ASH1L: variants seen among roughly 807,000 people sequenced by gnomAD.
ASH1L encodes histone-lysine N-methyltransferase ASH1L.
In ASH1L, 23 loss-of-function variants were observed where a neutral mutation model predicts 269.0. The observed-to-expected ratio is 0.09, with a 90% confidence interval of 0.06 to 0.12. The LOEUF (loss-of-function observed/expected upper bound fraction) is 0.12. ASH1L is among the 10% of genes least tolerant of loss of function. The pLI is 1.00. For missense variants in ASH1L, 2,912 were observed against 3,567.8 expected, an observed-to-expected ratio of 0.82 and a Z score of 4.68; for synonymous variants, 1,187 against 1,253.5, an observed-to-expected ratio of 0.95 and a Z score of 1.12.
intron 5 of ASH1L, among the ~76,000 whole-genome samples, chr1:155,436,258 C>T (rs553306344): frequency 2.6e-5 from 4 of 151,968 alleles, no homozygotes; most frequent in African/African-American, 7.2e-5. Flanking sequence ...GGTGCAATCT[C>T]GGCTCACTGC....
chr1:155,512,291 C>T (rs1347962172), intron 2 of ASH1L, among the ~76,000 whole-genome samples: 1 of 151,700 alleles, frequency 6.6e-6, no homozygotes, highest in East Asian at 2.0e-4. Flanking sequence ...GTGGCATGCA[C>T]CTGTAATCCC....
At chr1:155,460,114 C>G (rs977947956) in intron 3 of ASH1L, among the ~76,000 whole-genome samples, 6 of 152,078 alleles carry the variant, frequency 3.9e-5, no homozygotes, top group African/African-American at 1.4e-4. Flanking sequence ...TACATAAGTT[C>G]TCCTGTTACA....
At chr1:155,433,679 G>T (rs1389883720) in intron 5 of ASH1L, 1 of 1,600,944 alleles carries the variant, frequency 6.2e-7, no homozygotes, top group East Asian at 2.2e-5. Flanking sequence ...ACAGGCCGAT[G>T]TGGGGCTCAC....
chr1:155,433,148 C>A, intron 5 of ASH1L: 5 of 1,475,980 alleles, frequency 3.4e-6, no homozygotes, highest in Non-Finnish European at 4.5e-6. Context: ...GACATTTCAC[C>A]AGGCCCCCAG....
rs549361100 is a variant in ASH1L, at chr1:155,368,120, A to G, written c.6686+2384T>C. On this transcript the variant is annotated intron_variant, in intron 12 of 27. Coordinates refer to ENST00000392403, the MANE Select transcript of ASH1L (RefSeq NM_018489.3). ...TGGGCTCAGGCGATCCTACCACCTC[A>G]GTCTCCCAAGTAGCACCATCACACC... Among the ~76,000 whole-genome samples, 17 of 152,164 alleles carry G rather than the reference A, an allele frequency of 1.1e-4. No homozygotes were observed. In the East Asian group the frequency reaches 3.3e-3, roughly 29 times the overall value.
intron 15 of ASH1L, among the ~76,000 whole-genome samples, chr1:155,355,470 T>C (rs965331384): frequency 6.6e-6 from 1 of 152,230 alleles, no homozygotes; most frequent in Non-Finnish European, 1.5e-5. Context: ...TGATCTTGGA[T>C]AAATCTCAAG....
In ASH1L at chr1:155,342,107, G is replaced by A. The variant is rs187868932; in HGVS notation, c.8294-5C>T. On this transcript the variant is annotated splice_region_variant and splice_polypyrimidine_tract_variant and intron_variant, in intron 24 of 27. Coordinates refer to ENST00000392403, the MANE Select transcript of ASH1L (RefSeq NM_018489.3). ...CCTTTACTCCTTTGGGTCTCCCTAT[G>A]GGTCCAACCAGTGTTAAGGAATCCT... The A allele has an allele frequency of 9.9e-6, 16 of 1,613,750 alleles. No individual in the cohort carries two copies. In the Admixed American group the frequency reaches 2.2e-4, roughly 22 times the overall value.
intron 7 of ASH1L, among the ~76,000 whole-genome samples, chr1:155,389,168 G>T (rs1657696614): frequency 6.6e-6 from 1 of 151,328 alleles, no homozygotes; most frequent in Admixed American, 6.6e-5. Flanking sequence ...ATCACTCCTG[G>T]CTAATTTTTT....
intron 2 of ASH1L, among the ~76,000 whole-genome samples, chr1:155,508,005 T>C (rs1038010232): frequency 1.3e-5 from 2 of 150,724 alleles, no homozygotes; most frequent in Non-Finnish European, 3.0e-5. Flanking sequence ...TACTTGACTT[T>C]TTTTTTTTTT....
intron 1 of ASH1L, among the ~76,000 whole-genome samples, chr1:155,541,661 C>T (rs944790639): frequency 6.6e-5 from 10 of 152,040 alleles, no homozygotes; most frequent in Non-Finnish European, 1.5e-4. Context: ...TACTGATATC[C>T]AATAAATCTA....
rs1665895953 is a variant in ASH1L at position 155,480,779 on chromosome 1, A to G, written c.2091T>C (p.Ala697=). ...ACTGCAAACTAGTACTTAGGCTTTC[A>G]GCAACTTGGCAGTGTTTGTCTGATG... ...VSASDKHCQV[A]ESLSTSLQSK... Residue 697 remains alanine (A), a synonymous_variant, in exon 3 of 28, where the codon GCT becomes GCC. Coordinates refer to ENST00000392403, the MANE Select transcript of ASH1L (RefSeq NM_018489.3). The G allele has an allele frequency of 4.3e-6, 7 of 1,613,890 alleles. No individual in the cohort carries two copies. Among genetic ancestry groups the G allele is most frequent in the Non-Finnish European group, 5.9e-6 (7 of 1,179,962 alleles).
At chr1:155,503,065 A>G (rs898314170) in intron 2 of ASH1L, among the ~76,000 whole-genome samples, 7 of 152,162 alleles carry the variant, frequency 4.6e-5, no homozygotes, top group African/African-American at 1.7e-4. Flanking sequence ...AATCTTTTGG[A>G]GCCCCCAGCC....
chr1:155,555,623 G>A (rs1056586453), intron 1 of ASH1L, among the ~76,000 whole-genome samples: 2 of 151,822 alleles, frequency 1.3e-5, no homozygotes, highest in African/African-American at 2.4e-5. Flanking sequence ...TCTCTCTTGT[G>A]CATTTGAAAA....
intron 7 of ASH1L, among the ~76,000 whole-genome samples, chr1:155,380,602 T>C (rs935669835): frequency 4.6e-5 from 7 of 152,016 alleles, no homozygotes; most frequent in Non-Finnish European, 1.0e-4. Context: ...TTTTGTCTTA[T>C]ATAAAATTAT....
chr1:155,562,400 A>C lies in ASH1L; in HGVS notation c.-347T>G. 1.3e-6 allele frequency: 2 copies of C among 1,497,400 alleles called. No individual in the cohort carries two copies. The highest frequency in any genetic ancestry group is 1.8e-6 in the Non-Finnish European group (2 of 1,102,424). 92.8% of individuals were successfully genotyped at this position (1,497,400 alleles called of 1,614,324 possible). A position where few individuals can be genotyped will look rare whatever the true frequency, so the allele number is the denominator to read the frequency against. Reference sequence around the variant, plus strand: ...GAGACTGGGATCGTCTCCCCTCCGCAAAGCGAACCCAAAATGGCGGCGGGA... The same window carrying C: ...GAGACTGGGATCGTCTCCCCTCCGCCAAGCGAACCCAAAATGGCGGCGGGA... On this transcript the variant is annotated 5_prime_UTR_variant, in exon 1 of 28. Coordinates refer to ENST00000392403, the MANE Select transcript of ASH1L (RefSeq NM_018489.3).
intron 2 of ASH1L, among the ~76,000 whole-genome samples, chr1:155,508,808 G>A (rs1015822199): frequency 6.6e-6 from 1 of 152,080 alleles, no homozygotes; most frequent in Non-Finnish European, 1.5e-5. Flanking sequence ...GGAGTAAGAA[G>A]AAGCTCCAAC....
chr1:155,401,714 G>A (rs984681238), intron 6 of ASH1L, among the ~76,000 whole-genome samples: 14 of 152,242 alleles, frequency 9.2e-5, no homozygotes, highest in South Asian at 4.2e-4. Context: ...CCTGAACCCC[G>A]GAGGTGGAGG....
At chr1:155,563,137 C>G (rs1672168492), upstream of ASH1L, 1 of 457,464 alleles carries the variant, frequency 2.2e-6, no homozygotes, top group Middle Eastern at 3.3e-4. Flanking sequence ...TCCGCCGGAT[C>G]GCGGCGAGCG....
chr1:155,441,585 C>G (rs1248618591), intron 4 of ASH1L, among the ~76,000 whole-genome samples: 2 of 149,886 alleles, frequency 1.3e-5, no homozygotes. Context: ...GCCTCAGCCT[C>G]CTGAGCAGCT....
Sources: allele counts gnomAD v4.1 joint callset (sites outside exome capture counted in the v4.1 genomes callset), GRCh38; gene constraint gnomAD v4.1.1; transcripts MANE v1.5; gene names NCBI Gene and HGNC (gene_info 2026-07-23, HGNC 2026-07-21).